CIT: variants seen among roughly 807,000 people sequenced by gnomAD.
CIT encodes citron rho-interacting serine/threonine kinase.
Under a neutral mutation model 272.7 loss-of-function variants are expected in CIT, and 79 were observed. The ratio of observed to expected loss-of-function variants is 0.29; its 90% confidence interval spans 0.24 to 0.35. The LOEUF (loss-of-function observed/expected upper bound fraction) is 0.35, where lower values mean the gene tolerates loss of function less well. Among genes scored for constraint, CIT ranks in the 10% least tolerant of loss-of-function variants. CIT has a pLI of 1.00. For missense variants in CIT, 1,909 were observed against 2,618.3 expected, an observed-to-expected ratio of 0.73 and a Z score of 5.91; for synonymous variants, 948 against 995.6, an observed-to-expected ratio of 0.95 and a Z score of 0.90.
chr12:119,723,570 A>C (rs1291076272), intron 28 of CIT, among the ~76,000 whole-genome samples: 1 of 152,208 alleles, frequency 6.6e-6, no homozygotes, highest in Non-Finnish European at 1.5e-5. Context: ...TTTCACGAGG[A>C]AACTGTAAGG....
In CIT at chr12:119,710,582, A is replaced by G; in HGVS notation, c.4893T>C (p.Asp1631=). 6.2e-7 allele frequency: 1 copy of G among 1,614,246 alleles called. No individual in the cohort carries two copies. Among genetic ancestry groups the G allele is most frequent in the Non-Finnish European group, 8.5e-7 (1 of 1,180,042 alleles). ...GCGTGCAGTTCATGTCTAGACGGTC[A>G]TCACCTTCCAGTTTCAGCAGGGAGT... is the stretch of plus-strand genomic sequence containing the variant. ...LGNSLLKLEG[D]DRLDMNCTLP... is the part of the protein sequence containing the mutation. The change falls in exon 38 of 48, where the codon GAT becomes GAC. Residue 1631 remains aspartate, a synonymous_variant. Transcript: ENST00000392521. The surrounding 1 kb of genome is among the most constrained non-coding windows in gnomAD (Gnocchi z 5.6).
At chr12:119,862,839 A>C (rs2032712528) in intron 3 of CIT, among the ~76,000 whole-genome samples, 1 of 134,252 alleles carries the variant, frequency 7.4e-6, no homozygotes, top group Admixed American at 7.3e-5. Context: ...AAAAAAAAAA[A>C]AGAAAAAACC....
intron 10 of CIT, among the ~76,000 whole-genome samples, chr12:119,801,997 T>C (rs1286068481): frequency 6.6e-6 from 1 of 151,980 alleles, no homozygotes; most frequent in Non-Finnish European, 1.5e-5. Context: ...AATGCCCAAT[T>C]CCCCACAACA....
At chr12:119,851,666 A>T (rs150697304) in intron 4 of CIT, among the ~76,000 whole-genome samples, 153 of 152,380 alleles carry the variant, frequency 1.0e-3, no homozygotes, top group African/African-American at 3.5e-3. Flanking sequence ...TCACTGACTG[A>T]AATAGGAAAA....
At position 119,784,010 on chromosome 12, in the gene CIT, C is replaced by G; in HGVS notation, c.1443G>C (p.Glu481Asp). 6.2e-7 allele frequency: 1 copy of G among 1,613,128 alleles called. No individual in the cohort carries two copies. The highest frequency in any genetic ancestry group is 8.5e-7 in the Non-Finnish European group (1 of 1,179,510). ...CCTTCTGACTAAGCACAGCCTCCAC[C>G]TCTGACACTCTCCGATGTAACCGGG... ...EMTRLHRRVS[E>D]VEAVLSQKEV... Residue 481 changes from glutamate (E) to aspartate (D), a missense_variant, in exon 12 of 48, where the codon GAG (glutamate) becomes GAC (aspartate). Physicochemically the swap from Glu to Asp is conservative, Grantham distance 45. Coordinates refer to ENST00000392521, the MANE Select transcript of CIT (RefSeq NM_001206999.2). This position sits in a 1 kb window ranked among gnomAD's most constrained non-coding sequence, Gnocchi z 4.7.
At position 119,785,057 on chromosome 12, in the gene CIT, A is replaced by G. The variant is rs139416291; in HGVS notation, c.1304T>C (p.Val435Ala). 27 of 1,614,208 alleles carry G rather than the reference A, an allele frequency of 1.7e-5. No homozygotes were observed. The African/African-American group carries it at 3.5e-4, about 21-fold the overall frequency. Reference protein sequence around the residue: ...LGILGRSESVVSGLDSPAKTS... With the variant: ...LGILGRSESVASGLDSPAKTS... ...CTTGGCAGGGGAGTCCAGACCCGAC[A>G]CAACAGACCTAGGTAGAGAAAAACC... The change falls in exon 11 of 48, where the codon GTG (valine) becomes GCG (alanine). Residue 435 changes from valine (V) to alanine (A), a missense_variant. Coordinates refer to ENST00000392521, the MANE Select transcript of CIT (RefSeq NM_001206999.2).
At chr12:119,791,081 T>C (rs1566049771) in intron 10 of CIT, among the ~76,000 whole-genome samples, 1 of 152,186 alleles carries the variant, frequency 6.6e-6, no homozygotes, top group Non-Finnish European at 1.5e-5. Context: ...TATGTTCTCC[T>C]ACCACGTTAC....
chr12:119,868,455 G>A (rs541794181), intron 3 of CIT, among the ~76,000 whole-genome samples: 7 of 152,066 alleles, frequency 4.6e-5, no homozygotes, highest in Non-Finnish European at 8.8e-5. Context: ...ACAGGGCCAC[G>A]GGATATTATT....
intron 44 of CIT, chr12:119,699,953 T>C: frequency 2.2e-6 from 1 of 455,034 alleles, no homozygotes; most frequent in South Asian, 1.5e-5. Context: ...ATCCAACAGT[T>C]CCACTTTTAG....
chr12:119,791,727 T>C (rs1228158394), intron 10 of CIT, among the ~76,000 whole-genome samples: 1 of 151,994 alleles, frequency 6.6e-6, no homozygotes, highest in Non-Finnish European at 1.5e-5. Flanking sequence ...TGGGTTTTCC[T>C]TTTTTTTCCA....
intron 3 of CIT, among the ~76,000 whole-genome samples, chr12:119,861,598 A>G (rs1950340756): frequency 6.6e-6 from 1 of 151,856 alleles, no homozygotes; most frequent in South Asian, 2.1e-4. Flanking sequence ...AAAAAAAAAA[A>G]AGAAAAGAAA....
chr12:119,707,103 C>G (rs1956914896), intron 40 of CIT, among the ~76,000 whole-genome samples: 1 of 152,138 alleles, frequency 6.6e-6, no homozygotes, highest in Admixed American at 6.5e-5. Context: ...AGTAATGAAA[C>G]ATACTTTCAT....
At position 119,728,084 on chromosome 12, in the gene CIT, A is replaced by G. The variant is rs1958219309; in HGVS notation, c.3591+418T>C. ...CTGGAAAAGGGAAAACTATGGAGAC[A>G]GCAAAAAGATCAGTGGCTGCCAGGA... On this transcript the variant is annotated intron_variant, in intron 28 of 47. Coordinates refer to ENST00000392521, the MANE Select transcript of CIT (RefSeq NM_001206999.2). The surrounding 1 kb of genome is among the most constrained non-coding windows in gnomAD (Gnocchi z 4.3). 6.6e-6 allele frequency among the ~76,000 whole-genome samples: 1 copy of G among 152,222 alleles called. No homozygotes were observed. Among genetic ancestry groups the G allele is most frequent in the Non-Finnish European group, 1.5e-5 (1 of 68,038 alleles).
rs1236641113 is a variant in CIT, at chr12:119,694,449, G to A, written c.5882+3210C>T. Among the ~76,000 whole-genome samples the A allele has an allele frequency of 6.6e-6, 1 of 152,188 alleles. No individual in the cohort carries two copies. The highest frequency in any genetic ancestry group is 1.5e-5 in the Non-Finnish European group (1 of 68,036). On this transcript the variant is annotated intron_variant, in intron 46 of 47. Coordinates refer to ENST00000392521, the MANE Select transcript of CIT (RefSeq NM_001206999.2). The surrounding 1 kb of genome is among the most constrained non-coding windows in gnomAD (Gnocchi z 4.5). ...TAACTACTTCTCACACTGACACGGA[G>A]CAATCGCCAAGACACATCAAGGTAC...
intron 5 of CIT, among the ~76,000 whole-genome samples, chr12:119,836,284 T>TAAAAAAAAAAAAAAAAAAA (rs201559880): frequency 2.8e-4 from 12 of 42,254 alleles, no homozygotes; most frequent in African/African-American, 1.1e-3. Flanking sequence ...AGACTCCATC[T>TAAAAAAAAAAAAAAAAAAA]AAAAAAAAAA....
chr12:119,834,361 G>A (rs1197101465), intron 5 of CIT, 133 bp from the exon 6 acceptor site: 9 of 756,942 alleles, frequency 1.2e-5, no homozygotes, highest in Admixed American at 5.6e-5. Flanking sequence ...TGTAAGGCAC[G>A]CTGTAAGTCA....
At chr12:119,715,324 T>C (rs530748555) in intron 32 of CIT, among the ~76,000 whole-genome samples, 1 of 152,338 alleles carries the variant, frequency 6.6e-6, no homozygotes, top group African/African-American at 2.4e-5. Context: ...AGATGTGCCA[T>C]CTACACAATG....
At chr12:119,806,632 C>T (rs1966626861) in intron 9 of CIT, among the ~76,000 whole-genome samples, 1 of 150,462 alleles carries the variant, frequency 6.6e-6, no homozygotes, top group Non-Finnish European at 1.5e-5. Flanking sequence ...CACCCCCACC[C>T]CAACAACCTC....
intron 30 of CIT, chr12:119,719,105 AC>A (rs1292926380): frequency 4.4e-6 from 2 of 458,910 alleles, no homozygotes; most frequent in Non-Finnish European, 8.0e-6. Context: ...TTGAATGGCC[AC>A]CACCTCTTCC....
Sources: allele counts gnomAD v4.1 joint callset (sites outside exome capture counted in the v4.1 genomes callset), GRCh38; gene constraint gnomAD v4.1.1; non-coding constraint Gnocchi (gnomAD v3.1); transcripts MANE v1.5; gene names NCBI Gene and HGNC (gene_info 2026-07-23, HGNC 2026-07-21).